Variants in ARHGAP42 observed in about 807,000 individuals in gnomAD.
ARHGAP42 encodes the protein Rho GTPase activating protein 42.
ARHGAP42 carries 63 observed loss-of-function variants against 125.0 expected under a neutral mutation model. That is an observed-to-expected ratio of 0.50 (90% CI 0.41 to 0.62). ARHGAP42 has a LOEUF of 0.62. ARHGAP42 is among the 20% of genes least tolerant of loss of function. The pLI is 0.00. For synonymous variants in ARHGAP42, 339 were observed against 351.0 expected, an observed-to-expected ratio of 0.97 and a Z score of 0.38; for missense variants, 766 against 1,024.2, an observed-to-expected ratio of 0.75 and a Z score of 3.44.
rs187283002 is a variant in ARHGAP42, at chr11:100,738,831, G to A, written c.155-31512G>A. On this transcript the variant is annotated intron_variant, in intron 1 of 23. Transcript: ENST00000298815. Reference sequence around the variant, plus strand: ...TGTTTTCTTTTTAAGAAGAAGCAGGGCAAAACAAACTGTGCCCGTTGCATT... The same window carrying A: ...TGTTTTCTTTTTAAGAAGAAGCAGGACAAAACAAACTGTGCCCGTTGCATT... Among the ~76,000 whole-genome samples, 304 of 152,266 alleles carry A rather than the reference G, an allele frequency of 2.0e-3. 2 individuals carry two copies. The highest frequency in any genetic ancestry group is 1.2e-3 in the Non-Finnish European group (85 of 68,012).
intron 3 of ARHGAP42, among the ~76,000 whole-genome samples, chr11:100,845,781 T>G (rs1347341989): frequency 6.6e-6 from 1 of 152,160 alleles, no homozygotes; most frequent in Non-Finnish European, 1.5e-5. Flanking sequence ...TAATGTAATT[T>G]TGTACCTTAG....
intron 2 of ARHGAP42, among the ~76,000 whole-genome samples, chr11:100,779,552 A>ACATACGTATATATACGTATATATACG (rs1863237497): frequency 1.1e-5 from 1 of 87,342 alleles, no homozygotes; most frequent in South Asian, 4.9e-4. Flanking sequence ...ATATATATAC[A>ACATACGTATATATACGTATATATACG]TATACATACG....
At chr11:100,878,214 C>T (rs569341960) in intron 4 of ARHGAP42, among the ~76,000 whole-genome samples, 7 of 151,810 alleles carry the variant, frequency 4.6e-5, no homozygotes, top group South Asian at 4.2e-4. Context: ...CCGCAACCTC[C>T]GCCTCCCTGT....
At chr11:100,760,814 T>C (rs187137083) in intron 1 of ARHGAP42, among the ~76,000 whole-genome samples, 10 of 152,074 alleles carry the variant, frequency 6.6e-5, no homozygotes, top group Admixed American at 3.9e-4. Flanking sequence ...TAGGATGATA[T>C]GTGACATGAA....
intron 3 of ARHGAP42, among the ~76,000 whole-genome samples, chr11:100,838,875 G>T (rs1864877590): frequency 6.6e-6 from 1 of 152,070 alleles, no homozygotes; most frequent in Non-Finnish European, 1.5e-5. Flanking sequence ...TAATTCTTAG[G>T]AAGGCACTTC....
At chr11:100,932,868 G>A (rs975875451) in intron 6 of ARHGAP42, among the ~76,000 whole-genome samples, 1 of 152,088 alleles carries the variant, frequency 6.6e-6, no homozygotes, top group African/African-American at 2.4e-5. Flanking sequence ...CGTTATCTTA[G>A]TGGTCTCTTC....
chr11:100,796,322 A>ACTG (rs1446147011), intron 3 of ARHGAP42, among the ~76,000 whole-genome samples: 1 of 152,142 alleles, frequency 6.6e-6, no homozygotes, highest in African/African-American at 2.4e-5. Context: ...GTGTGTTCTG[A>ACTG]CTGCTGTACC....
intron 2 of ARHGAP42, among the ~76,000 whole-genome samples, chr11:100,779,360 G>A (rs1863210580): frequency 1.3e-5 from 2 of 148,238 alleles, no homozygotes; most frequent in South Asian, 4.3e-4. Flanking sequence ...GAGGAGAATT[G>A]CTTGAACCTG....
At chr11:100,705,023 A>C (rs1218012275) in intron 1 of ARHGAP42, among the ~76,000 whole-genome samples, 21 of 142,936 alleles carry the variant, frequency 1.5e-4, no homozygotes, top group African/African-American at 3.8e-4. Context: ...CAAAAAAAAA[A>C]AAAAAAAAAA....
chr11:100,867,882 TG>T (rs1451471718), intron 4 of ARHGAP42, among the ~76,000 whole-genome samples: 1 of 152,172 alleles, frequency 6.6e-6, no homozygotes, highest in African/African-American at 2.4e-5. Flanking sequence ...GGTTACTAAT[TG>T]GCCTAATTGT....
At chr11:100,774,260 G>A (rs1448386943) in intron 2 of ARHGAP42, among the ~76,000 whole-genome samples, 1 of 152,210 alleles carries the variant, frequency 6.6e-6, no homozygotes, top group African/African-American at 2.4e-5. Context: ...GGACTAACGT[G>A]TGTGTCTGGA....
intron 3 of ARHGAP42, among the ~76,000 whole-genome samples, chr11:100,827,928 C>T (rs1430341321): frequency 6.6e-6 from 1 of 152,200 alleles, no homozygotes; most frequent in Non-Finnish European, 1.5e-5. Flanking sequence ...AGGTTCTCTC[C>T]TTCACCACAT....
intron 12 of ARHGAP42, among the ~76,000 whole-genome samples, chr11:100,959,433 A>G (rs1035207664): frequency 1.1e-4 from 17 of 152,200 alleles, no homozygotes; most frequent in Non-Finnish European, 1.0e-4. Flanking sequence ...AGAGCAGTGG[A>G]GGTTTTCAGC....
chr11:100,710,021 G>T (rs559650150), intron 1 of ARHGAP42, among the ~76,000 whole-genome samples: 1 of 152,086 alleles, frequency 6.6e-6, no homozygotes, highest in Non-Finnish European at 1.5e-5. Context: ...GGGTCGGGGG[G>T]GCATCTGCTG....
chr11:100,992,450 T>G lies in ARHGAP42; in HGVS notation c.*3649T>G, dbSNP rs1858859467. 6.2e-7 allele frequency: 1 copy of G among 1,614,006 alleles called. No homozygotes were observed. Among genetic ancestry groups the G allele is most frequent in the African/African-American group, 1.3e-5 (1 of 74,938 alleles). On this transcript the variant is annotated 3_prime_UTR_variant, in exon 24 of 24. Coordinates refer to ENST00000298815, the MANE Select transcript of ARHGAP42 (RefSeq NM_152432.4). Reference sequence around the variant, plus strand: ...CTTAGGGTACACATTGCTATTTAACTTTGCCTCCTACCCTTTTTTGTTACC... The same window carrying G: ...CTTAGGGTACACATTGCTATTTAACGTTGCCTCCTACCCTTTTTTGTTACC...
At chr11:100,872,927 A>C (rs1038575907) in intron 4 of ARHGAP42, among the ~76,000 whole-genome samples, 8 of 152,356 alleles carry the variant, frequency 5.3e-5, no homozygotes, top group African/African-American at 1.9e-4. Context: ...GTAGCAGAAG[A>C]AACTCCAGAG....
intron 5 of ARHGAP42, among the ~76,000 whole-genome samples, chr11:100,917,685 C>T (rs4754713): frequency 3.3e-5 from 5 of 152,154 alleles, no homozygotes; most frequent in African/African-American, 9.7e-5. Context: ...AATTCTTGTG[C>T]CTCAGCCTCC....
At chr11:100,748,637 A>G (rs1862363618) in intron 1 of ARHGAP42, among the ~76,000 whole-genome samples, 1 of 142,576 alleles carries the variant, frequency 7.0e-6, no homozygotes, top group Non-Finnish European at 1.6e-5. Context: ...TTCCTCTAAA[A>G]TTTATTTTTC....
At chr11:100,987,311 G>A (rs1858704427) in intron 22 of ARHGAP42, among the ~76,000 whole-genome samples, 2 of 152,192 alleles carry the variant, frequency 1.3e-5, no homozygotes, top group South Asian at 2.1e-4. Context: ...GGTTTCTAGT[G>A]TGCTAGTAAT....
Sources: gnomAD v4.1 joint callset for allele counts (sites outside exome capture counted in the v4.1 genomes callset) on GRCh38, gnomAD v4.1.1 for gene constraint, MANE v1.5 for transcripts, NCBI Gene and HGNC (gene_info 2026-07-23, HGNC 2026-07-21) for gene names.